PCSK5: variants seen among roughly 807,000 people sequenced by gnomAD.
The protein encoded by PCSK5 is prohormone convertase 5.
In PCSK5, 129 loss-of-function variants were observed where a neutral mutation model predicts 233.2. That is an observed-to-expected ratio of 0.55 (90% CI 0.48 to 0.64). The LOEUF (loss-of-function observed/expected upper bound fraction) is 0.64, where lower values mean the gene tolerates loss of function less well. Ranked by LOEUF, PCSK5 falls within the 30% of genes least tolerant of loss-of-function variation. The pLI is 0.00. For missense variants in PCSK5, 2,076 were observed against 2,430.1 expected, an observed-to-expected ratio of 0.85 and a Z score of 3.06; for synonymous variants, 825 against 879.2, an observed-to-expected ratio of 0.94 and a Z score of 1.09.
chr9:76,190,264 TGCAAAG>T (rs1463270020), intron 20 of PCSK5, among the ~76,000 whole-genome samples: 1 of 151,964 alleles, frequency 6.6e-6, no homozygotes, highest in Non-Finnish European at 1.5e-5. Context: ...TATAGCGCCA[TGCAAAG>T]TAGTTTTACT....
intron 2 of PCSK5, among the ~76,000 whole-genome samples, chr9:75,935,166 C>T (rs1257556977): frequency 6.6e-6 from 1 of 152,166 alleles, no homozygotes; most frequent in Non-Finnish European, 1.5e-5. Flanking sequence ...CTCCCGTTTT[C>T]AAGCAACTGT....
intron 13 of PCSK5, among the ~76,000 whole-genome samples, 190 bp from the exon 14 acceptor site, chr9:76,174,796 T>G (rs1823497813): frequency 6.6e-6 from 1 of 152,216 alleles, no homozygotes; most frequent in South Asian, 2.1e-4. Flanking sequence ...ATATGTGGTA[T>G]GTGAATTATT....
chr9:76,235,952 G>C (rs747479429), intron 22 of PCSK5, among the ~76,000 whole-genome samples: 2 of 152,182 alleles, frequency 1.3e-5, no homozygotes. Context: ...TCCTCCAGCC[G>C]GGGTGTCCCA....
intron 18 of PCSK5, 28 bp downstream of exon 18, chr9:76,188,703 C>T (rs2131238160): frequency 6.5e-7 from 1 of 1,544,508 alleles, no homozygotes; most frequent in East Asian, 2.2e-5. Flanking sequence ...TTTGTTTATT[C>T]TCCCGGTTCT....
At chr9:76,279,657 T>C (rs1020659833) in intron 24 of PCSK5, among the ~76,000 whole-genome samples, 15 of 152,074 alleles carry the variant, frequency 9.9e-5, no homozygotes, top group African/African-American at 2.9e-4. Flanking sequence ...ATTTCTCTGA[T>C]GGCCAGTGAT....
At chr9:76,152,644 G>T (rs1823720279) in intron 10 of PCSK5, among the ~76,000 whole-genome samples, 1 of 152,118 alleles carries the variant, frequency 6.6e-6, no homozygotes, top group Non-Finnish European at 1.5e-5. Context: ...TATCCATTCA[G>T]TGTAATTTTT....
In PCSK5 at chr9:76,178,488, T is replaced by C. The variant is rs371091731; in HGVS notation, c.1901-1108T>C. Among the ~76,000 whole-genome samples the C allele has an allele frequency of 2.5e-3, 380 of 152,334 alleles. 1 individual carries two copies. Among genetic ancestry groups the C allele is most frequent in the African/African-American group, 8.9e-3 (368 of 41,562 alleles). ...TGAAATTCTTGGAAAATCAGTTTCTTCATCAGTAAAATGAGGGTATTTGAC... is the reference window on the plus strand; with the variant it reads ...TGAAATTCTTGGAAAATCAGTTTCTCCATCAGTAAAATGAGGGTATTTGAC... On this transcript the variant is annotated intron_variant, in intron 14 of 37. Transcript: ENST00000674117.
intron 15 of PCSK5, 21 bp downstream of exon 15, chr9:76,179,719 C>T (rs1823763075): frequency 6.6e-7 from 1 of 1,512,074 alleles, no homozygotes; most frequent in African/African-American, 1.4e-5. Context: ...TGCCAAGTCA[C>T]ATCCCCACAG....
chr9:75,984,795 T>C (rs1826433504), intron 2 of PCSK5, among the ~76,000 whole-genome samples: 1 of 152,222 alleles, frequency 6.6e-6, no homozygotes, highest in African/African-American at 2.4e-5. Context: ...TGAATGAACC[T>C]GATCCCTTAG....
At chr9:76,238,906 C>T in intron 22 of PCSK5, 53 bp from the exon 23 acceptor site, 1 of 1,304,810 alleles carries the variant, frequency 7.7e-7, no homozygotes, top group Non-Finnish European at 1.1e-6. Context: ...ATAATAGCTT[C>T]ATGGCTAACT....
intron 24 of PCSK5, among the ~76,000 whole-genome samples, chr9:76,252,223 G>A (rs904898879): frequency 7.2e-5 from 11 of 151,992 alleles, no homozygotes; most frequent in African/African-American, 2.4e-4. Flanking sequence ...AGCCGCGATC[G>A]CGTGCCCCTG....
chr9:76,133,570 C>G (rs1055724197), intron 9 of PCSK5, among the ~76,000 whole-genome samples: 1 of 152,014 alleles, frequency 6.6e-6, no homozygotes, highest in African/African-American at 2.4e-5. Context: ...ATGTTCTCTT[C>G]CTTAAAAATG....
chr9:76,060,810 A>G (rs1203038859), intron 5 of PCSK5, among the ~76,000 whole-genome samples: 1 of 152,190 alleles, frequency 6.6e-6, no homozygotes, highest in African/African-American at 2.4e-5. Context: ...AATAGAATAC[A>G]TAACAACCAA....
chr9:76,294,821 C>G (rs913614662), intron 25 of PCSK5, among the ~76,000 whole-genome samples: 2 of 152,088 alleles, frequency 1.3e-5, no homozygotes, highest in African/African-American at 2.4e-5. Flanking sequence ...GGGTGCATAA[C>G]AGACCAAGCC....
rs773065504 is a variant in PCSK5 at position 76,338,345 on chromosome 9, C to T, written c.4864C>T (p.Arg1622Cys). 32 of 1,612,446 alleles carry T rather than the reference C, an allele frequency of 2.0e-5. 1 individual carries two copies. The highest frequency in any genetic ancestry group is 1.1e-4 in the South Asian group (10 of 91,028). ...TTGCGATAGATTTTTCTTTCTGCTC[C>T]GCTCCAAAGGAGAGTGTCATCGCTC... ...LSCDRFFFLL[R>C]SKGECHRSCP... The change falls in exon 35 of 38, where the codon CGC (arginine) becomes TGC (cysteine). Residue 1622 changes from arginine (R) to cysteine (C), a missense_variant. Transcript: ENST00000674117.
intron 10 of PCSK5, among the ~76,000 whole-genome samples, chr9:76,142,165 A>G (rs1243224063): frequency 6.6e-6 from 1 of 151,784 alleles, no homozygotes; most frequent in Non-Finnish European, 1.5e-5. Flanking sequence ...AAATTTTTAA[A>G]AGTATATCAG....
At chr9:76,233,019 C>T (rs1489941285) in intron 21 of PCSK5, among the ~76,000 whole-genome samples, 1 of 152,176 alleles carries the variant, frequency 6.6e-6, no homozygotes, top group African/African-American at 2.4e-5. Flanking sequence ...CGTCAAGAGC[C>T]CTTGGAGCTG....
At chr9:76,008,059 C>T (rs1050737425) in intron 3 of PCSK5, among the ~76,000 whole-genome samples, 1 of 152,062 alleles carries the variant, frequency 6.6e-6, no homozygotes, top group African/African-American at 2.4e-5. Context: ...GTGCAGGTCT[C>T]AGATCTGTTC....
chr9:76,062,656 T>A (rs2131583005), intron 5 of PCSK5, among the ~76,000 whole-genome samples: 1 of 152,332 alleles, frequency 6.6e-6, no homozygotes, highest in Admixed American at 6.5e-5. Flanking sequence ...TATTTTCTTG[T>A]TAAAAATTTT....
Sources: gnomAD v4.1 joint callset for allele counts (sites outside exome capture counted in the v4.1 genomes callset) on GRCh38, gnomAD v4.1.1 for gene constraint, MANE v1.5 for transcripts, NCBI Gene and HGNC (gene_info 2026-07-23, HGNC 2026-07-21) for gene names.